CDH20: variants seen among roughly 807,000 people sequenced by gnomAD.
CDH20 encodes cadherin-20.
Under a neutral mutation model 74.2 loss-of-function variants are expected in CDH20, and 29 were observed. That is an observed-to-expected ratio of 0.39 (90% CI 0.29 to 0.53). CDH20 has a LOEUF of 0.53. Ranked by LOEUF, CDH20 falls within the 20% of genes least tolerant of loss-of-function variation. The pLI, the probability that CDH20 is intolerant of heterozygous loss-of-function variation, is 0.69. For missense variants in CDH20, 988 were observed against 1,048.3 expected (o/e 0.94, Z 0.79); for synonymous variants, 469 against 405.4 (o/e 1.16, Z -1.88).
Position 61,554,379 on chromosome 18 carries a change from C to A in CDH20, c.2090C>A (p.Thr697Lys). ...GCGCAGGCGGGGGCCGCCCCCAAGA[C>A]GCGGCAGGACATGCTGCCCGAGATC... ...REAQAGAAPK[T>K]RQDMLPEIES... The change falls in exon 12 of 12, where the codon ACG becomes AAG. Residue 697 changes from threonine (T) to lysine (K), a missense_variant. Physicochemically the swap from Thr to Lys is moderately conservative, Grantham distance 78. Transcript: ENST00000262717. 2 of 1,612,894 alleles carry A rather than the reference C, an allele frequency of 1.2e-6. No individual in the cohort carries two copies. Among genetic ancestry groups the A allele is most frequent in the Non-Finnish European group, 1.7e-6 (2 of 1,179,698 alleles).
chr18:61,458,037 C>T (rs1909636559), intron 1 of CDH20, among the ~76,000 whole-genome samples: 1 of 152,152 alleles, frequency 6.6e-6, no homozygotes, highest in Admixed American at 6.5e-5. Flanking sequence ...TTTAAACAAA[C>T]ATGACTGTCT....
intron 1 of CDH20, among the ~76,000 whole-genome samples, chr18:61,345,534 A>G (rs1009239770): frequency 5.3e-5 from 8 of 152,130 alleles, no homozygotes; most frequent in African/African-American, 1.9e-4. Context: ...TTACCATAAC[A>G]TTTGCTCATT....
At chr18:61,410,066 G>GT (rs1277863527) in intron 1 of CDH20, among the ~76,000 whole-genome samples, 2 of 152,284 alleles carry the variant, frequency 1.3e-5, no homozygotes, top group East Asian at 3.9e-4. Flanking sequence ...TAAATGTGTT[G>GT]TAATTTTGCC....
chr18:61,439,090 G>T (rs977424859), intron 1 of CDH20, among the ~76,000 whole-genome samples: 1 of 151,972 alleles, frequency 6.6e-6, no homozygotes, highest in African/African-American at 2.4e-5. Context: ...AGAAACTGGG[G>T]ACTACTAAAT....
At chr18:61,392,682 T>G (rs993684022) in intron 1 of CDH20, among the ~76,000 whole-genome samples, 1 of 151,828 alleles carries the variant, frequency 6.6e-6, no homozygotes, top group Admixed American at 6.6e-5. Flanking sequence ...CACTGAAGCA[T>G]CTTGAGTGAA....
At chr18:61,507,351 G>A (rs745855757) in intron 5 of CDH20, 22 bp from the exon 6 acceptor site, 42 of 1,602,830 alleles carry the variant, frequency 2.6e-5, no homozygotes, top group Middle Eastern at 1.7e-4. Flanking sequence ...TCAAGAATGC[G>A]TGTCCTGGCT....
rs868734146 is a variant in CDH20 at position 61,436,757 on chromosome 18, G to C, written c.-152-53645G>C. On this transcript the variant is annotated intron_variant, in intron 1 of 11. Coordinates refer to ENST00000262717, the MANE Select transcript of CDH20 (RefSeq NM_031891.4). ...GATTGTACCATGTGGGTACCTACCAGCTCCATTCACATTCAAGACCAGCCT... is the reference window on the plus strand; with the variant it reads ...GATTGTACCATGTGGGTACCTACCACCTCCATTCACATTCAAGACCAGCCT... Among the ~76,000 whole-genome samples, 195 of 152,240 alleles carry C rather than the reference G, an allele frequency of 1.3e-3. 1 individual carries two copies. Among genetic ancestry groups the C allele is most frequent in the African/African-American group, 4.4e-3 (184 of 41,558 alleles).
chr18:61,457,733 C>T (rs761843587), intron 1 of CDH20, among the ~76,000 whole-genome samples: 3 of 151,912 alleles, frequency 2.0e-5, no homozygotes, highest in Non-Finnish European at 2.9e-5. Flanking sequence ...ATATAAAATA[C>T]GTAAAATACG....
chr18:61,534,503 G>A (rs1912754646), intron 7 of CDH20, among the ~76,000 whole-genome samples: 1 of 152,154 alleles, frequency 6.6e-6, no homozygotes, highest in Non-Finnish European at 1.5e-5. Context: ...AGATGAATGG[G>A]TAAAAATAAT....
At chr18:61,471,166 C>T (rs967284772) in intron 1 of CDH20, among the ~76,000 whole-genome samples, 1 of 152,174 alleles carries the variant, frequency 6.6e-6, no homozygotes, top group African/African-American at 2.4e-5. Context: ...TTTCTTAATA[C>T]TTGTCCTTAT....
At chr18:61,493,600 T>G (rs550064268) in intron 2 of CDH20, among the ~76,000 whole-genome samples, 1 of 152,332 alleles carries the variant, frequency 6.6e-6, no homozygotes, top group African/African-American at 2.4e-5. Context: ...CCCACATGTG[T>G]GCCCACGCTG....
intron 1 of CDH20, among the ~76,000 whole-genome samples, chr18:61,399,969 G>A (rs1467421808): frequency 6.6e-6 from 1 of 152,128 alleles, no homozygotes; most frequent in Non-Finnish European, 1.5e-5. Context: ...TGCAGTTCAT[G>A]CTGAATCTTT....
chr18:61,336,943 G>A (rs1386990501), intron 1 of CDH20, among the ~76,000 whole-genome samples: 4 of 152,136 alleles, frequency 2.6e-5, no homozygotes, highest in African/African-American at 9.7e-5. Context: ...AGGAGCCAAA[G>A]GGCAGTTCTT....
intron 1 of CDH20, among the ~76,000 whole-genome samples, chr18:61,356,737 T>A (rs931446444): frequency 5.9e-5 from 9 of 151,936 alleles, no homozygotes; most frequent in African/African-American, 2.2e-4. Context: ...GTTTTAATGA[T>A]CCCTAGCAAA....
At chr18:61,376,218 A>C (rs930985357) in intron 1 of CDH20, among the ~76,000 whole-genome samples, 4 of 152,124 alleles carry the variant, frequency 2.6e-5, no homozygotes, top group African/African-American at 9.7e-5. Context: ...GCACTACTAA[A>C]ATCACTTAAG....
chr18:61,524,639 G>C (rs1368258826), intron 6 of CDH20, among the ~76,000 whole-genome samples: 1 of 152,174 alleles, frequency 6.6e-6, no homozygotes, highest in African/African-American at 2.4e-5. Context: ...AACTCACCAG[G>C]CATAGTAGCT....
chr18:61,370,668 G>A lies in CDH20; in HGVS notation c.-153+36841G>A, dbSNP rs1343973064. On this transcript the variant is annotated intron_variant, in intron 1 of 11. Transcript: ENST00000262717. The stretch of plus-strand genomic sequence containing the variant: ...TGATAGCACTTAAAATGTACCCTCC[G>A]CAAATTTCAAGTATACAACACAGGA... 8.6e-5 allele frequency among the ~76,000 whole-genome samples: 13 copies of A among 151,794 alleles called. No individual in the cohort carries two copies. In the East Asian group the frequency reaches 9.6e-4, roughly 11 times the overall value.
At chr18:61,439,722 T>G (rs577298664) in intron 1 of CDH20, among the ~76,000 whole-genome samples, 1 of 152,136 alleles carries the variant, frequency 6.6e-6, no homozygotes, top group Non-Finnish European at 1.5e-5. Context: ...TTCCTATTTT[T>G]ATTATACTGC....
intron 1 of CDH20, among the ~76,000 whole-genome samples, chr18:61,455,156 G>C (rs547276301): frequency 6.6e-6 from 1 of 152,274 alleles, no homozygotes; most frequent in Non-Finnish European, 1.5e-5. Flanking sequence ...TACCTACCCA[G>C]TACTCTTCAA....
Sources: allele counts gnomAD v4.1 joint callset (sites outside exome capture counted in the v4.1 genomes callset), GRCh38; gene constraint gnomAD v4.1.1; transcripts MANE v1.5; gene names NCBI Gene and HGNC (gene_info 2026-07-23, HGNC 2026-07-21).